Variants in CADM2 observed in about 807,000 individuals in gnomAD.
CADM2 encodes immunoglobulin superfamily member 4D.
A neutral mutation model predicts 49.8 loss-of-function variants in CADM2; 12 were observed. That is an observed-to-expected ratio of 0.24 (90% confidence interval 0.15 to 0.39). CADM2 has a LOEUF of 0.39. Among genes scored for constraint, CADM2 ranks in the 10% least tolerant of loss-of-function variants. The pLI is 1.00. For missense variants in CADM2, 378 were observed against 492.3 expected (o/e 0.77, Z 2.20); for synonymous variants, 214 against 175.4 (o/e 1.22, Z -1.74).
At chr3:85,671,896 T>C (rs1222167800) in intron 1 of CADM2, among the ~76,000 whole-genome samples, 2 of 152,164 alleles carry the variant, frequency 1.3e-5, no homozygotes, top group Admixed American at 6.5e-5. Flanking sequence ...ATATAAGACA[T>C]AAAATTATCT....
intron 1 of CADM2, among the ~76,000 whole-genome samples, chr3:85,211,996 T>C (rs2041790961): frequency 6.6e-6 from 1 of 152,152 alleles, no homozygotes; most frequent in African/African-American, 2.4e-5. Flanking sequence ...TGTCATATCC[T>C]CTTGTTGAAT....
rs766631285 is a variant in CADM2, at chr3:85,293,299, G to A, written c.61+333631G>A. Among the ~76,000 whole-genome samples, 532 of 151,688 alleles carry A rather than the reference G, an allele frequency of 3.5e-3. 2 individuals are homozygous for A. Among genetic ancestry groups the A allele is most frequent in the Non-Finnish European group, 5.6e-3 (382 of 67,890 alleles). On this transcript the variant is annotated intron_variant, in intron 1 of 9. Coordinates refer to ENST00000383699, the MANE Select transcript of CADM2 (RefSeq NM_001167675.2). The stretch of plus-strand genomic sequence containing the variant: ...TCTGAAATTGTGGCAATAATCAATA[G>A]CTTACCCACCAAAAAGAGTCCAGGA...
At chr3:85,513,564 A>T (rs900200735) in intron 1 of CADM2, among the ~76,000 whole-genome samples, 7 of 152,036 alleles carry the variant, frequency 4.6e-5, no homozygotes, top group African/African-American at 1.7e-4. Flanking sequence ...CCAAAGAAAT[A>T]AAAACCTCAA....
At position 85,328,787 on chromosome 3, in the gene CADM2, T is replaced by C. The variant is rs188031283; in HGVS notation, c.61+369119T>C. ...AGCCTCTTCAGGAGACTTGTGTGGA[T>C]ACATAGACATCATTTGATTTAGTCT... On this transcript the variant is annotated intron_variant, in intron 1 of 9. Transcript: ENST00000383699. Among the ~76,000 whole-genome samples, 91 of 152,072 alleles carry C rather than the reference T, an allele frequency of 6.0e-4. 2 individuals carry two copies. The East Asian group carries it at 0.017, about 29-fold the overall frequency.
intron 1 of CADM2, among the ~76,000 whole-genome samples, chr3:85,364,686 G>C (rs868155961): frequency 6.6e-6 from 1 of 152,034 alleles, no homozygotes; most frequent in Non-Finnish European, 1.5e-5. Flanking sequence ...CCCAATCTTT[G>C]TAATACAATG....
At position 85,605,982 on chromosome 3, in the gene CADM2, TTTGCCTTC is replaced by T. The variant is rs1008796827; in HGVS notation, c.62-120537_62-120530del. ...TGAATAAGAAAGTTCATGAAGCAGA[TTTGCCTTC>T]TTTCCTGTGTTTCAAGCAGAGTCCT... On this transcript the variant is annotated intron_variant, in intron 1 of 9. Transcript: ENST00000383699. Among the ~76,000 whole-genome samples, 29 of 152,044 alleles carry T rather than the reference TTTGCCTTC, an allele frequency of 1.9e-4. 1 individual carries two copies. Among genetic ancestry groups the T allele is most frequent in the African/African-American group, 5.1e-4 (21 of 41,426 alleles).
chr3:85,393,326 C>G (rs2034612655), intron 1 of CADM2, among the ~76,000 whole-genome samples: 1 of 152,054 alleles, frequency 6.6e-6, no homozygotes. Context: ...ATGATCTTGA[C>G]TTAGATATAT....
intron 1 of CADM2, among the ~76,000 whole-genome samples, chr3:85,684,097 A>T (rs2107664106): frequency 6.6e-6 from 1 of 152,342 alleles, no homozygotes; most frequent in Non-Finnish European, 1.5e-5. Context: ...ACAAGAAAAC[A>T]AATGAAGCTC....
chr3:85,641,034 A>G (rs1485144644), intron 1 of CADM2, among the ~76,000 whole-genome samples: 1 of 152,134 alleles, frequency 6.6e-6, no homozygotes, highest in Admixed American at 6.6e-5. Flanking sequence ...CCTAAAATCC[A>G]CTCTGGCTAC....
chr3:85,658,485 C>T (rs765953005), intron 1 of CADM2, among the ~76,000 whole-genome samples: 27 of 149,654 alleles, frequency 1.8e-4, no homozygotes, highest in Middle Eastern at 3.5e-3. Flanking sequence ...GCTAATACAA[C>T]ATATTTATAA....
chr3:85,736,144 A>G (rs1478071785), intron 2 of CADM2, among the ~76,000 whole-genome samples: 1 of 152,200 alleles, frequency 6.6e-6, no homozygotes, highest in East Asian at 1.9e-4. Context: ...AAAATAAAAA[A>G]GAAAATAAAA....
At chr3:85,140,697 C>T (rs1263144342) in intron 1 of CADM2, among the ~76,000 whole-genome samples, 2 of 152,110 alleles carry the variant, frequency 1.3e-5, no homozygotes, top group South Asian at 2.1e-4. Context: ...TCACACATCC[C>T]GTGAATGGAA....
intron 2 of CADM2, among the ~76,000 whole-genome samples, chr3:85,751,380 G>A (rs944075075): frequency 6.6e-6 from 1 of 152,116 alleles, no homozygotes; most frequent in Non-Finnish European, 1.5e-5. Flanking sequence ...GGTATTATTA[G>A]ATGTCATCTT....
chr3:85,625,860 C>T lies in CADM2; in HGVS notation c.62-100662C>T, dbSNP rs184803532. Among the ~76,000 whole-genome samples, 896 of 152,034 alleles carry T rather than the reference C, an allele frequency of 5.9e-3. 8 individuals carry two copies. Among genetic ancestry groups the T allele is most frequent in the Non-Finnish European group, 9.9e-3 (675 of 67,876 alleles). On this transcript the variant is annotated intron_variant, in intron 1 of 9. Transcript: ENST00000383699. ...ATTTTAAAACTATTTGTATGTATTG[C>T]TGTCAATACTTATGTTTAAAACACT... is the stretch of plus-strand genomic sequence containing the variant.
chr3:85,898,639 T>A (rs1715612357), intron 5 of CADM2, among the ~76,000 whole-genome samples: 1 of 151,660 alleles, frequency 6.6e-6, no homozygotes, highest in Non-Finnish European at 1.5e-5. Context: ...TGTACATAGT[T>A]TCTTCTCTGT....
chr3:86,008,575 A>G (rs1423410068), intron 8 of CADM2, among the ~76,000 whole-genome samples: 2 of 152,114 alleles, frequency 1.3e-5, no homozygotes, highest in Non-Finnish European at 2.9e-5. Flanking sequence ...TACGTAATCT[A>G]TGCAAACTGA....
intron 1 of CADM2, among the ~76,000 whole-genome samples, chr3:85,629,594 A>G (rs2064244287): frequency 1.3e-5 from 2 of 151,984 alleles, no homozygotes; most frequent in South Asian, 2.1e-4. Flanking sequence ...ATTGTATTAG[A>G]TGGCTTGCAT....
intron 7 of CADM2, among the ~76,000 whole-genome samples, chr3:85,960,400 T>C (rs1440596619): frequency 6.6e-6 from 1 of 151,926 alleles, no homozygotes; most frequent in Non-Finnish European, 1.5e-5. Flanking sequence ...AAAATTATGC[T>C]GAAATTAGAA....
intron 1 of CADM2, among the ~76,000 whole-genome samples, chr3:85,722,063 TAGCTCCTTTCTGC>T (rs2067522876): frequency 6.6e-6 from 1 of 151,634 alleles, no homozygotes; most frequent in African/African-American, 2.4e-5. Context: ...CTGGAGTGAG[TAGCTCCTTTCTGC>T]AGCTCGTCTT....
Sources: gnomAD v4.1 joint callset for allele counts (sites outside exome capture counted in the v4.1 genomes callset) on GRCh38, gnomAD v4.1.1 for gene constraint, MANE v1.5 for transcripts, NCBI Gene and HGNC (gene_info 2026-07-23, HGNC 2026-07-21) for gene names.